Variants in BEST3 observed in about 807,000 individuals in gnomAD.
BEST3 encodes bestrophin-3.
BEST3 carries 50 observed loss-of-function variants against 47.1 expected under a neutral mutation model. That is an observed-to-expected ratio of 1.06 (90% CI 0.85 to 1.34). The LOEUF is 1.34. Among genes scored for constraint, BEST3 ranks in the 40% most tolerant of loss-of-function variants. The pLI, the probability that BEST3 is intolerant of heterozygous loss-of-function variation, is 0.00. For missense variants in BEST3, 765 were observed against 817.0 expected (o/e 0.94, Z 0.78); for synonymous variants, 282 against 298.8 (o/e 0.94, Z 0.58).
intron 4 of BEST3, among the ~76,000 whole-genome samples, chr12:69,680,078 TAAC>T (rs1025436911): frequency 6.6e-6 from 1 of 152,104 alleles, no homozygotes; most frequent in Non-Finnish European, 1.5e-5. Flanking sequence ...TTATTTAGCA[TAAC>T]GCTTAGCACA....
chr12:69,695,059 C>A (rs1886081610), intron 2 of BEST3, among the ~76,000 whole-genome samples: 1 of 152,124 alleles, frequency 6.6e-6, no homozygotes, highest in African/African-American at 2.4e-5. Context: ...GTCACTCTCT[C>A]AAAATTTATA....
chr12:69,666,682 C>T (rs1014693710), intron 9 of BEST3, among the ~76,000 whole-genome samples: 12 of 152,202 alleles, frequency 7.9e-5, no homozygotes, highest in African/African-American at 2.7e-4. Context: ...TTTGGTTCTA[C>T]GTACTGATAC....
rs546187517 is a variant in BEST3 at position 69,666,026 on chromosome 12, C to CT, written c.1100+5401dup. ...TCTACCTTTGGAACTGCTTAAACTT[C>CT]TTTTTTTTTCTGAGACAAGGTCTCG... On this transcript the variant is annotated intron_variant, in intron 9 of 9. Coordinates refer to ENST00000330891, the MANE Select transcript of BEST3 (RefSeq NM_032735.3). 4.2e-3 allele frequency among the ~76,000 whole-genome samples: 637 copies of CT among 151,270 alleles called. 4 individuals are homozygous for CT. The highest frequency in any genetic ancestry group is 4.5e-3 in the Non-Finnish European group (303 of 67,672).
chr12:69,675,245 A>C (rs995558153), intron 7 of BEST3, among the ~76,000 whole-genome samples: 6 of 151,960 alleles, frequency 3.9e-5, no homozygotes, highest in African/African-American at 1.4e-4. Flanking sequence ...TCAGCCTCCC[A>C]CGTATGTGGG....
chr12:69,663,056 G>A (rs531741293), intron 9 of BEST3, among the ~76,000 whole-genome samples: 1 of 152,268 alleles, frequency 6.6e-6, no homozygotes, highest in East Asian at 1.9e-4. Context: ...ACTGTTGGGT[G>A]TTTTGATTTT....
intron 9 of BEST3, among the ~76,000 whole-genome samples, chr12:69,667,853 A>T: frequency 6.6e-6 from 1 of 152,146 alleles, no homozygotes; most frequent in East Asian, 1.9e-4. Flanking sequence ...GCCCTGAAAA[A>T]GATTTACCAG....
chr12:69,689,768 C>T (rs1885839795), intron 4 of BEST3, among the ~76,000 whole-genome samples: 1 of 152,142 alleles, frequency 6.6e-6, no homozygotes, highest in East Asian at 1.9e-4. Flanking sequence ...CTTGTTACAT[C>T]CAAGCAGGTG....
intron 4 of BEST3, chr12:69,689,077 C>T: frequency 1.0e-6 from 1 of 985,484 alleles, no homozygotes; most frequent in South Asian, 4.7e-5. Context: ...TACCAGTCCT[C>T]TCTGCCCTCA....
chr12:69,697,181 T>G (rs1331197093), intron 2 of BEST3, among the ~76,000 whole-genome samples: 1 of 152,214 alleles, frequency 6.6e-6, no homozygotes, highest in Non-Finnish European at 1.5e-5. Flanking sequence ...ATAAGATATT[T>G]TCATTCCAGG....
chr12:69,679,880 T>G (rs1885137147), intron 4 of BEST3, among the ~76,000 whole-genome samples: 1 of 147,048 alleles, frequency 6.8e-6, no homozygotes, highest in Non-Finnish European at 1.5e-5. Context: ...AAAAAGGGTT[T>G]CTTGGTGTGT....
In BEST3 at chr12:69,693,706, CTT is replaced by C. The variant is rs1886017648; in HGVS notation, c.447_448del (p.Arg150IlefsTer9). ...AACCACGTGGTCCATTGTGGGAAAT[CTT>C]TTGTACACAGCAGTGCTCACCGAGC... is the stretch of plus-strand genomic sequence containing the variant. On this transcript the variant is annotated frameshift_variant, in exon 4 of 10. Coordinates refer to ENST00000330891, the MANE Select transcript of BEST3 (RefSeq NM_032735.3). LOFTEE classifies it high-confidence loss of function. The C allele has an allele frequency of 6.2e-7, 1 of 1,613,608 alleles. No individual in the cohort carries two copies. The highest frequency in any genetic ancestry group is 1.1e-5 in the South Asian group (1 of 91,074).
chr12:69,654,378 T>C lies in BEST3; in HGVS notation c.*529A>G, dbSNP rs925670779. On this transcript the variant is annotated 3_prime_UTR_variant, in exon 10 of 10. Transcript: ENST00000330891. ...AAGAATCAGGAAGTGATAATAACAA[T>C]AATAGTTATAAAAGTAGGAATGAGA... is the stretch of plus-strand genomic sequence containing the variant. 1.0e-6 allele frequency: 1 copy of C among 985,118 alleles called. No individual in the cohort carries two copies. The highest frequency in any genetic ancestry group is 1.8e-5 in the African/African-American group (1 of 57,142). 61.0% of individuals were successfully genotyped at this position (985,118 alleles called of 1,614,324 possible).
At chr12:69,686,640 C>T (rs1885607446) in intron 4 of BEST3, among the ~76,000 whole-genome samples, 1 of 151,744 alleles carries the variant, frequency 6.6e-6, no homozygotes, top group African/African-American at 2.4e-5. Flanking sequence ...GGTGTGGTGG[C>T]CTGTGCCTGT....
chr12:69,655,136 G>T lies in BEST3; in HGVS notation c.1778C>A (p.Pro593Gln). The change falls in exon 10 of 10, where the codon CCG becomes CAG. Residue 593 changes from proline (P) to glutamine (Q), a missense_variant. Coordinates refer to ENST00000330891, the MANE Select transcript of BEST3 (RefSeq NM_032735.3). ...GDTFLKRWSL[P>Q]GFLGSSHTSL... Reference sequence around the variant, plus strand: ...AGTGTGGCTGGACCCCAGGAATCCCGGAAGACTCCACCTTTTTAGAAAGGT... The same window carrying T: ...AGTGTGGCTGGACCCCAGGAATCCCTGAAGACTCCACCTTTTTAGAAAGGT... 6.2e-7 allele frequency: 1 copy of T among 1,614,068 alleles called. No homozygotes were observed. The highest frequency in any genetic ancestry group is 8.5e-7 in the Non-Finnish European group (1 of 1,180,002).
intron 9 of BEST3, among the ~76,000 whole-genome samples, chr12:69,661,776 G>A (rs181158564): frequency 1.3e-4 from 20 of 152,220 alleles, no homozygotes; most frequent in African/African-American, 4.8e-4. Context: ...GAGCATCCTA[G>A]AAGGTAGCCC....
chr12:69,677,774 G>C (rs1245856650), intron 5 of BEST3, among the ~76,000 whole-genome samples: 2 of 151,850 alleles, frequency 1.3e-5, no homozygotes, highest in African/African-American at 4.8e-5. Context: ...AACAGAGTGA[G>C]ACTCTATTTC....
chr12:69,663,433 T>A (rs1883989007), intron 9 of BEST3, among the ~76,000 whole-genome samples: 1 of 152,230 alleles, frequency 6.6e-6, no homozygotes, highest in African/African-American at 2.4e-5. Context: ...TTCCTCGCTG[T>A]GCATCTTACA....
At chr12:69,664,769 G>T (rs1565826040) in intron 9 of BEST3, among the ~76,000 whole-genome samples, 1 of 150,570 alleles carries the variant, frequency 6.6e-6, no homozygotes, top group Non-Finnish European at 1.5e-5. Flanking sequence ...AATGATAAAA[G>T]ATACAGACTC....
chr12:69,699,284 G>A lies in BEST3; in HGVS notation c.-95C>T, dbSNP rs1886236886. The A allele has an allele frequency of 3.0e-6, 3 of 985,352 alleles. No homozygotes were observed. The highest frequency in any genetic ancestry group is 9.4e-5 in the South Asian group (2 of 21,270). 61.0% of individuals were successfully genotyped at this position (985,352 alleles called of 1,614,324 possible). A position where few individuals can be genotyped will look rare whatever the true frequency, so the allele number is the denominator to read the frequency against. On this transcript the variant is annotated 5_prime_UTR_variant, in exon 1 of 10. Transcript: ENST00000330891. ...TCCCCCGAAGAGGTGCCTTCAGGTC[G>A]GTGCTGCACGCCCGGTGTCACCCTT...
Sources: gnomAD v4.1 joint callset for allele counts (sites outside exome capture counted in the v4.1 genomes callset) on GRCh38, gnomAD v4.1.1 for gene constraint, MANE v1.5 for transcripts, NCBI Gene and HGNC (gene_info 2026-07-23, HGNC 2026-07-21) for gene names.